SVIL: variants seen among roughly 807,000 people sequenced by gnomAD.
The protein encoded by SVIL is archvillin.
A neutral mutation model predicts 240.4 loss-of-function variants in SVIL; 101 were observed. The observed-to-expected ratio is 0.42, with a 90% CI of 0.36 to 0.50. The LOEUF is 0.50. Ranked by LOEUF, SVIL falls within the 20% of genes least tolerant of loss-of-function variation. SVIL has a pLI of 0.01. For missense variants in SVIL, 2,512 were observed against 2,818.7 expected (o/e 0.89, Z 2.46); for synonymous variants, 999 against 1,100.0 (o/e 0.91, Z 1.82).
At chr10:29,584,030 A>G (rs1429614216) in intron 1 of SVIL, among the ~76,000 whole-genome samples, 1 of 152,248 alleles carries the variant, frequency 6.6e-6, no homozygotes, top group Non-Finnish European at 1.5e-5. Flanking sequence ...GCCTGGGAAG[A>G]AACAGGGAAA....
intron 17 of SVIL, among the ~76,000 whole-genome samples, chr10:29,499,477 T>C (rs1000848228): frequency 6.6e-6 from 1 of 152,226 alleles, no homozygotes; most frequent in Non-Finnish European, 1.5e-5. Flanking sequence ...TAACTTTAGA[T>C]GAATGCCTCT....
chr10:29,487,061 C>G, intron 24 of SVIL, 102 bp downstream of exon 24: 2 of 1,431,966 alleles, frequency 1.4e-6, no homozygotes, highest in Non-Finnish European at 1.9e-6. Context: ...TTGAATGCAA[C>G]ACCTGGCTTT....
intron 1 of SVIL, among the ~76,000 whole-genome samples, chr10:29,608,568 C>A (rs988656097): frequency 1.3e-5 from 2 of 152,260 alleles, no homozygotes; most frequent in Admixed American, 6.5e-5. Context: ...GGCAGAGGTG[C>A]CTGTTCCCAC....
intron 6 of SVIL, among the ~76,000 whole-genome samples, chr10:29,539,876 T>C (rs1952015468): frequency 6.6e-6 from 1 of 152,188 alleles, no homozygotes; most frequent in South Asian, 2.1e-4. Context: ...TGCTTCGAGT[T>C]GCCTTGGCCA....
rs375342995 is a variant in SVIL, at chr10:29,547,357, T to C, written c.827+3240A>G. Among the ~76,000 whole-genome samples the C allele has an allele frequency of 1.5e-3, 236 of 152,332 alleles. 9 individuals carry two copies. In the South Asian group the frequency reaches 0.047, roughly 30 times the overall value. ...AAATATATAAACTACTTTGGGTTTC[T>C]TTGCCTGTGAATCATAGAATTGTAT... On this transcript the variant is annotated intron_variant, in intron 6 of 37. Coordinates refer to ENST00000355867, the MANE Select transcript of SVIL (RefSeq NM_021738.3).
At chr10:29,554,105 C>T (rs1000726337) in intron 5 of SVIL, among the ~76,000 whole-genome samples, 1 of 152,122 alleles carries the variant, frequency 6.6e-6, no homozygotes, top group Non-Finnish European at 1.5e-5. Flanking sequence ...AGGCCAGATC[C>T]GTGAGGCGGG....
chr10:29,677,391 A>T (rs534139523), intron 2 of SVIL, among the ~76,000 whole-genome samples: 2 of 152,266 alleles, frequency 1.3e-5, no homozygotes, highest in African/African-American at 4.8e-5. Flanking sequence ...CTAGCCCTGA[A>T]TGCTGTCAGT....
rs186580130 is a variant in SVIL at position 29,734,993 on chromosome 10, T to G, written c.-400+758A>C. Among the ~76,000 whole-genome samples the G allele has an allele frequency of 3.4e-3, 517 of 152,306 alleles. 6 individuals are homozygous for G. Among genetic ancestry groups the G allele is most frequent in the African/African-American group, 9.5e-3 (394 of 41,584 alleles). ...TCACAAGATCTCTCATGCCAACGCC[T>G]GAAGCTCTTAATCCCGCACCTGACC... On this transcript the variant is annotated intron_variant, in intron 1 of 35. Transcript: ENST00000375400.
intron 26 of SVIL, 39 bp downstream of exon 26, chr10:29,486,046 T>G (rs1442305257): frequency 6.3e-7 from 1 of 1,578,424 alleles, no homozygotes; most frequent in Admixed American, 1.7e-5. Flanking sequence ...GTGCTTTCAA[T>G]GTGGTTTCTC....
At chr10:29,700,745 T>A (rs1589541049) in intron 1 of SVIL, among the ~76,000 whole-genome samples, 1 of 152,266 alleles carries the variant, frequency 6.6e-6, no homozygotes, top group African/African-American at 2.4e-5. Flanking sequence ...AGTGCTGGGA[T>A]TACAGGCGTG....
At chr10:29,720,628 T>C (rs1212330772) in intron 1 of SVIL, among the ~76,000 whole-genome samples, 1 of 152,174 alleles carries the variant, frequency 6.6e-6, no homozygotes, top group South Asian at 2.1e-4. Context: ...GGTAAATACA[T>C]AAGAGCTTTC....
At chr10:29,557,332 A>G (rs1261001456) in intron 3 of SVIL, among the ~76,000 whole-genome samples, 2 of 152,138 alleles carry the variant, frequency 1.3e-5, no homozygotes, top group African/African-American at 4.8e-5. Flanking sequence ...TCCTAGGCTC[A>G]AGGGATCTGC....
intron 21 of SVIL, 49 bp downstream of exon 21, chr10:29,493,165 G>A (rs1438951386): frequency 1.1e-5 from 17 of 1,579,654 alleles, no homozygotes; most frequent in African/African-American, 1.3e-5. Context: ...CTCTGCAGGC[G>A]AAGGAAGCCC....
chr10:29,491,737 G>A (rs75473141), intron 21 of SVIL, among the ~76,000 whole-genome samples: 1 of 152,134 alleles, frequency 6.6e-6, no homozygotes, highest in Non-Finnish European at 1.5e-5. Context: ...GCGGGCCTCT[G>A]TGCCCAAAAG....
chr10:29,479,248 G>T (rs570713206), intron 29 of SVIL, among the ~76,000 whole-genome samples: 1 of 152,284 alleles, frequency 6.6e-6, no homozygotes, highest in South Asian at 2.1e-4. Context: ...CCCGCAGAGC[G>T]GTTTAATAGC....
intron 1 of SVIL, chr10:29,602,218 C>T: frequency 1.9e-6 from 1 of 526,820 alleles, no homozygotes; most frequent in Non-Finnish European, 3.9e-6. Flanking sequence ...TTAGGAGAAA[C>T]TTAATGATGT....
intron 5 of SVIL, among the ~76,000 whole-genome samples, chr10:29,553,367 TCAGGAGTTCGAGAC>T (rs1398570577): frequency 6.6e-6 from 1 of 151,986 alleles, no homozygotes. Context: ...TCACCTGAGG[TCAGGAGTTCGAGAC>T]CAGCCTCGCC....
rs1427906171 is a variant in SVIL at position 29,532,685 on chromosome 10, TTCA to T, written c.1679_1681del (p.Leu560_Lys561delinsTer). The T allele has an allele frequency of 6.2e-7, 1 of 1,614,216 alleles. No individual in the cohort carries two copies. The highest frequency in any genetic ancestry group is 1.1e-5 in the South Asian group (1 of 91,090). ...TCTCCTGGAAGCTGGGTCCTTATAC[TTCA>T]AGGCCTGGAGCTGAGGGGGGCCTGT... is the stretch of plus-strand genomic sequence containing the variant. On this transcript the variant is annotated stop_gained and inframe_deletion, in exon 8 of 38. Transcript: ENST00000355867. LOFTEE classifies it high-confidence loss of function.
chr10:29,488,169 C>T (rs1947602027), intron 23 of SVIL, among the ~76,000 whole-genome samples: 1 of 152,096 alleles, frequency 6.6e-6, no homozygotes, highest in African/African-American at 2.4e-5. Flanking sequence ...CAAGCTGTGT[C>T]TTCCTCCCCA....
Sources: gnomAD v4.1 joint callset for allele counts (sites outside exome capture counted in the v4.1 genomes callset) on GRCh38, gnomAD v4.1.1 for gene constraint, MANE v1.5 for transcripts, NCBI Gene and HGNC (gene_info 2026-07-23, HGNC 2026-07-21) for gene names.